Variants in TMEM131 observed in about 807,000 individuals in gnomAD.
The protein encoded by TMEM131 is transmembrane protein 131, also known as 2610524E03Rik.
In TMEM131, 66 loss-of-function variants were observed where a neutral mutation model predicts 211.6. The observed-to-expected ratio is 0.31, with a 90% CI of 0.26 to 0.38. The LOEUF (loss-of-function observed/expected upper bound fraction) is 0.38, where lower values mean the gene tolerates loss of function less well. Among genes scored for constraint, TMEM131 ranks in the 10% least tolerant of loss-of-function variants. The pLI, the probability that TMEM131 is intolerant of heterozygous loss-of-function variation, is 1.00. For missense variants in TMEM131, 2,036 were observed against 2,299.3 expected, an observed-to-expected ratio of 0.89 and a Z score of 2.34; for synonymous variants, 844 against 841.3, an observed-to-expected ratio of 1.00 and a Z score of -0.06.
At chr2:97,930,276 T>G (rs750439330) in intron 1 of TMEM131, among the ~76,000 whole-genome samples, 2 of 151,486 alleles carry the variant, frequency 1.3e-5, no homozygotes, top group African/African-American at 4.9e-5. Context: ...CTATTAAGAG[T>G]TCCAATAGAA....
intron 1 of TMEM131, among the ~76,000 whole-genome samples, chr2:97,991,347 C>T (rs981802327): frequency 2.6e-5 from 4 of 152,046 alleles, no homozygotes; most frequent in Admixed American, 6.6e-5. Context: ...ACAGAAATGG[C>T]GAAAGGCGGT....
chr2:97,783,851 G>A (rs1680127962), intron 31 of TMEM131, among the ~76,000 whole-genome samples: 1 of 151,914 alleles, frequency 6.6e-6, no homozygotes, highest in East Asian at 1.9e-4. Flanking sequence ...ATTATATGCT[G>A]TCTATAAGAA....
At position 97,797,606 on chromosome 2, in the gene TMEM131, G is replaced by T. The variant is rs1680828198; in HGVS notation, c.2719-90C>A. On this transcript the variant is annotated intron_variant, in intron 25 of 40. Transcript: ENST00000186436. Reference sequence around the variant, plus strand: ...TACACCCCATCTAGAGCCCAGTATAGTTTCTCAAACTGATTAAATGCATAA... The same window carrying T: ...TACACCCCATCTAGAGCCCAGTATATTTTCTCAAACTGATTAAATGCATAA... The T allele has an allele frequency of 5.0e-6, 6 of 1,196,818 alleles. No individual in the cohort carries two copies. The East Asian group carries it at 1.5e-4, about 30-fold the overall frequency. The allele number at this position is 1,196,818 out of a possible 1,614,324, so 74.1% of individuals were successfully genotyped here. A position where few individuals can be genotyped will look rare whatever the true frequency, so the allele number is the denominator to read the frequency against.
intron 1 of TMEM131, among the ~76,000 whole-genome samples, chr2:97,968,125 T>A (rs915939000): frequency 7.9e-5 from 12 of 152,050 alleles, no homozygotes; most frequent in African/African-American, 2.9e-4. Context: ...TCCACCACAC[T>A]GAAAGCTCTT....
chr2:97,918,327 T>G (rs1383820660), intron 2 of TMEM131, among the ~76,000 whole-genome samples: 2 of 152,310 alleles, frequency 1.3e-5, no homozygotes, highest in East Asian at 3.9e-4. Flanking sequence ...AAGGGACTCA[T>G]GAATAACAAA....
chr2:97,759,939 A>G lies in TMEM131; in HGVS notation c.5109-190T>C, dbSNP rs551985116. Reference sequence around the variant, plus strand: ...AGGGTTGAGTCGGAGGGAGCCCCAGAGCTCCGGATGCCCTATCACTAGCTC... The same window carrying G: ...AGGGTTGAGTCGGAGGGAGCCCCAGGGCTCCGGATGCCCTATCACTAGCTC... On this transcript the variant is annotated intron_variant, in intron 38 of 40. Transcript: ENST00000186436. The G allele has an allele frequency of 5.3e-6, 3 of 569,654 alleles. No individual in the cohort carries two copies. The Admixed American group carries it at 8.8e-5, about 17-fold the overall frequency. 35.3% of individuals were successfully genotyped at this position (569,654 alleles called of 1,614,324 possible). A position where few individuals can be genotyped will look rare whatever the true frequency, so the allele number is the denominator to read the frequency against.
At chr2:97,934,910 A>G (rs534133949) in intron 1 of TMEM131, among the ~76,000 whole-genome samples, 1 of 152,262 alleles carries the variant, frequency 6.6e-6, no homozygotes, top group East Asian at 1.9e-4. Context: ...TAAAACTATA[A>G]AACTTTTTAA....
intron 4 of TMEM131, among the ~76,000 whole-genome samples, chr2:97,863,964 G>C (rs1008216965): frequency 6.6e-6 from 1 of 152,134 alleles, no homozygotes; most frequent in African/African-American, 2.4e-5. Context: ...GCCGAGATTT[G>C]GAAGCCACCT....
At chr2:97,781,799 C>T (rs773576321) in intron 31 of TMEM131, among the ~76,000 whole-genome samples, 5 of 152,160 alleles carry the variant, frequency 3.3e-5, no homozygotes, top group Non-Finnish European at 7.4e-5. Context: ...CTTTTTGCCA[C>T]ACACATCCAC....
At chr2:97,818,481 G>GGGGGGAAAAAAAAA in intron 12 of TMEM131, 132 bp downstream of exon 12, 1 of 292,102 alleles carries the variant, frequency 3.4e-6, no homozygotes, top group Non-Finnish European at 6.4e-6. Context: ...GGCGGGGGGG[G>GGGGGGAAAAAAAAA]ATCAACCTAA....
At chr2:97,890,895 G>A (rs1675349074) in intron 3 of TMEM131, among the ~76,000 whole-genome samples, 2 of 152,166 alleles carry the variant, frequency 1.3e-5, no homozygotes, top group South Asian at 2.1e-4. Context: ...TTTACAAAGT[G>A]CTCACAGAAT....
At position 97,981,028 on chromosome 2, in the gene TMEM131, C is replaced by CAAAAAAAAAAAA. The variant is rs57606185; in HGVS notation, c.187+14436_187+14447dup. The stretch of plus-strand genomic sequence containing the variant: ...TGCTGAAACTCACAGAACTACACAC[C>CAAAAAAAAAAAA]AAAAAAAAAAAAAAAAAAAAAAAAA... On this transcript the variant is annotated intron_variant, in intron 1 of 40. Transcript: ENST00000186436. Among the ~76,000 whole-genome samples, 59 of 37,974 alleles carry CAAAAAAAAAAAA rather than the reference C, an allele frequency of 1.6e-3. 4 individuals are homozygous for CAAAAAAAAAAAA. The highest frequency in any genetic ancestry group is 1.8e-3 in the Non-Finnish European group (39 of 21,684). 24.9% of individuals were successfully genotyped at this position (37,974 alleles called of 152,430 possible). A position where few individuals can be genotyped will look rare whatever the true frequency, so the allele number is the denominator to read the frequency against.
At chr2:97,915,822 T>C (rs549527018) in intron 2 of TMEM131, among the ~76,000 whole-genome samples, 23 of 152,300 alleles carry the variant, frequency 1.5e-4, no homozygotes, top group Admixed American at 6.5e-4. Flanking sequence ...TTTGAGTTAG[T>C]TTTTGTTTAA....
At chr2:97,885,440 C>CGCCTCA (rs70938541) in intron 4 of TMEM131, among the ~76,000 whole-genome samples, 2 of 150,774 alleles carry the variant, frequency 1.3e-5, no homozygotes, top group Non-Finnish European at 3.0e-5. Flanking sequence ...GTGATCCGCC[C>CGCCTCA]GCCTCCCAAA....
At chr2:97,955,509 T>G (rs916629889) in intron 1 of TMEM131, among the ~76,000 whole-genome samples, 4 of 152,186 alleles carry the variant, frequency 2.6e-5, no homozygotes, top group Admixed American at 2.6e-4. Context: ...ATTGTCCGTA[T>G]TGGCAAATGA....
chr2:97,995,176 C>G (rs1680436863), intron 1 of TMEM131, among the ~76,000 whole-genome samples: 1 of 152,210 alleles, frequency 6.6e-6, no homozygotes, highest in Non-Finnish European at 1.5e-5. Flanking sequence ...CTATTCGCCG[C>G]AATAAAGCCA....
chr2:97,983,249 T>C (rs552737550), intron 1 of TMEM131, among the ~76,000 whole-genome samples: 1 of 152,300 alleles, frequency 6.6e-6, no homozygotes, highest in African/African-American at 2.4e-5. Context: ...ACAGTAACAG[T>C]AGAAACTGCT....
At chr2:97,977,550 CTTG>C in intron 1 of TMEM131, among the ~76,000 whole-genome samples, 1 of 152,346 alleles carries the variant, frequency 6.6e-6, no homozygotes, top group Middle Eastern at 3.4e-3. Context: ...GGTAAGTTTT[CTTG>C]ATTTCCCAGT....
intron 31 of TMEM131, among the ~76,000 whole-genome samples, chr2:97,788,964 T>A (rs1381457794): frequency 1.3e-5 from 2 of 152,236 alleles, no homozygotes; most frequent in Admixed American, 6.5e-5. Flanking sequence ...ACATGCATAC[T>A]TTTTTCTTGT....
Sources: gnomAD v4.1 joint callset for allele counts (sites outside exome capture counted in the v4.1 genomes callset) on GRCh38, gnomAD v4.1.1 for gene constraint, MANE v1.5 for transcripts, NCBI Gene and HGNC (gene_info 2026-07-23, HGNC 2026-07-21) for gene names.